The following NFIA variants were observed in gnomAD, a reference collection of about 807,000 sequenced individuals.
NFIA encodes the protein nuclear factor 1 A-type.
NFIA carries 8 observed loss-of-function variants against 62.8 expected under a neutral mutation model. The observed-to-expected ratio is 0.13, with a 90% CI of 0.07 to 0.23. NFIA has a LOEUF of 0.23. NFIA is among the 10% of genes least tolerant of loss of function. The pLI, the probability that NFIA is intolerant of heterozygous loss-of-function variation, is 1.00. For synonymous variants in NFIA, 235 were observed against 238.1 expected (o/e 0.99, Z 0.12); for missense variants, 410 against 642.1 (o/e 0.64, Z 3.91).
chr1:61,401,566 G>A (rs1050411274), intron 7 of NFIA, among the ~76,000 whole-genome samples: 4 of 151,882 alleles, frequency 2.6e-5, no homozygotes, highest in African/African-American at 9.7e-5. Flanking sequence ...TCTTTTTTGG[G>A]CAGCATTTTC....
intron 9 of NFIA, among the ~76,000 whole-genome samples, chr1:61,423,955 G>A (rs756967444): frequency 3.0e-4 from 45 of 151,988 alleles, no homozygotes; most frequent in Admixed American, 6.6e-4. Flanking sequence ...AGTACTCAAA[G>A]ACTAGTAGAC....
At chr1:61,188,620 A>C (rs924653152) in intron 2 of NFIA, among the ~76,000 whole-genome samples, 1 of 152,222 alleles carries the variant, frequency 6.6e-6, no homozygotes, top group African/African-American at 2.4e-5. Flanking sequence ...CGACATCATC[A>C]TCATCGTCAT....
chr1:61,131,616 T>C (rs1435538594), intron 2 of NFIA, among the ~76,000 whole-genome samples: 1 of 151,954 alleles, frequency 6.6e-6, no homozygotes, highest in Non-Finnish European at 1.5e-5. Flanking sequence ...TAATATTTTA[T>C]CACTAAATGC....
intron 4 of NFIA, among the ~76,000 whole-genome samples, chr1:61,349,313 T>C (rs1042466263): frequency 2.6e-5 from 4 of 152,188 alleles, no homozygotes; most frequent in African/African-American, 4.8e-5. Context: ...AATTTCAGTC[T>C]TCCATTTTTT....
chr1:61,248,444 G>A (rs1490410504), intron 2 of NFIA, among the ~76,000 whole-genome samples: 1 of 152,092 alleles, frequency 6.6e-6, no homozygotes, highest in African/African-American at 2.4e-5. Context: ...AACTTGAATT[G>A]GTCCACAGAA....
intron 10 of NFIA, among the ~76,000 whole-genome samples, chr1:61,447,119 C>A (rs1183731129): frequency 1.3e-5 from 2 of 151,990 alleles, no homozygotes; most frequent in Admixed American, 6.5e-5. Context: ...CCTCAACTCT[C>A]CCCCTGCCAA....
At chr1:61,142,928 A>G (rs1453131877) in intron 2 of NFIA, among the ~76,000 whole-genome samples, 1 of 152,110 alleles carries the variant, frequency 6.6e-6, no homozygotes, top group African/African-American at 2.4e-5. Context: ...CACCCTGGCG[A>G]GGAGAACCGC....
intron 2 of NFIA, among the ~76,000 whole-genome samples, chr1:61,245,419 A>G (rs1655578720): frequency 6.6e-6 from 1 of 152,170 alleles, no homozygotes; most frequent in African/African-American, 2.4e-5. Context: ...TCCATATATT[A>G]TGGTCGAAGC....
chr1:61,138,793 G>A lies in NFIA; in HGVS notation c.559+50113G>A, dbSNP rs528404784. Among the ~76,000 whole-genome samples the A allele has an allele frequency of 2.1e-3, 312 of 151,716 alleles. 2 individuals carry two copies. The highest frequency in any genetic ancestry group is 7.1e-3 in the African/African-American group (295 of 41,454). On this transcript the variant is annotated intron_variant, in intron 2 of 10. Coordinates refer to ENST00000403491, the MANE Select transcript of NFIA (RefSeq NM_001134673.4). Reference sequence around the variant, plus strand: ...GACATGGTTTCACCATGTTGGCCATGCTGGTCTCGAACTCCTGGCCTCAAG... The same window carrying A: ...GACATGGTTTCACCATGTTGGCCATACTGGTCTCGAACTCCTGGCCTCAAG...
At chr1:61,193,888 A>G (rs188161945) in intron 2 of NFIA, among the ~76,000 whole-genome samples, 2 of 152,334 alleles carry the variant, frequency 1.3e-5, no homozygotes, top group East Asian at 3.8e-4. Context: ...TCTTAAGAGA[A>G]TGCCTCCTTA....
intron 7 of NFIA, among the ~76,000 whole-genome samples, chr1:61,390,767 G>A (rs1385578446): frequency 6.6e-6 from 1 of 152,122 alleles, no homozygotes; most frequent in Non-Finnish European, 1.5e-5. Flanking sequence ...TCACTAGATG[G>A]CAGGGCCTAT....
chr1:61,191,021 T>A (rs1442276106), intron 2 of NFIA, among the ~76,000 whole-genome samples: 1 of 150,508 alleles, frequency 6.6e-6, no homozygotes, highest in East Asian at 2.0e-4. Flanking sequence ...ATAAAGAAAC[T>A]GGCAGTGAAA....
intron 2 of NFIA, among the ~76,000 whole-genome samples, chr1:61,223,032 C>A (rs1009467806): frequency 6.6e-6 from 1 of 151,868 alleles, no homozygotes; most frequent in African/African-American, 2.4e-5. Context: ...AAAAATGTTG[C>A]CGAATGTTTA....
intron 9 of NFIA, among the ~76,000 whole-genome samples, chr1:61,409,239 G>A (rs748949095): frequency 6.6e-6 from 1 of 152,128 alleles, no homozygotes; most frequent in Non-Finnish European, 1.5e-5. Flanking sequence ...TTGAATCATG[G>A]GATTCTAGAA....
intron 6 of NFIA, among the ~76,000 whole-genome samples, chr1:61,379,004 T>A (rs1169446907): frequency 6.6e-6 from 1 of 152,216 alleles, no homozygotes; most frequent in Non-Finnish European, 1.5e-5. Context: ...ATAATATATT[T>A]TTCCTTAACT....
At chr1:61,142,132 A>G (rs1647582553) in intron 2 of NFIA, among the ~76,000 whole-genome samples, 1 of 152,146 alleles carries the variant, frequency 6.6e-6, no homozygotes, top group African/African-American at 2.4e-5. Context: ...ATGCTAATGC[A>G]TGCATTTAGT....
chr1:61,168,968 CTA>C (rs1042641934), intron 2 of NFIA, among the ~76,000 whole-genome samples: 1 of 152,158 alleles, frequency 6.6e-6, no homozygotes, highest in Admixed American at 6.5e-5. Context: ...GAAGATGCAG[CTA>C]TATAAAACAA....
intron 2 of NFIA, among the ~76,000 whole-genome samples, chr1:61,228,295 T>A (rs1448029399): frequency 6.6e-6 from 1 of 152,188 alleles, no homozygotes; most frequent in African/African-American, 2.4e-5. Context: ...CAAAGTCCTG[T>A]GACACACTCA....
At chr1:61,284,845 A>AG (rs1491287651) in intron 3 of NFIA, among the ~76,000 whole-genome samples, 2 of 152,198 alleles carry the variant, frequency 1.3e-5, no homozygotes, top group African/African-American at 4.8e-5. Context: ...GAAGAAAAAA[A>AG]GGGATTTCTT....
Sources: gnomAD v4.1 joint callset for allele counts (sites outside exome capture counted in the v4.1 genomes callset) on GRCh38, gnomAD v4.1.1 for gene constraint, MANE v1.5 for transcripts, NCBI Gene and HGNC (gene_info 2026-07-23, HGNC 2026-07-21) for gene names.